The following MTUS2 variants were observed in gnomAD, a reference collection of about 807,000 sequenced individuals.
MTUS2 encodes microtubule-associated tumor suppressor candidate 2.
In MTUS2, 40 loss-of-function variants were observed where a neutral mutation model predicts 114.1. The observed-to-expected ratio is 0.35, with a 90% confidence interval of 0.27 to 0.46. The LOEUF is 0.46. Ranked by LOEUF, MTUS2 falls within the 20% of genes least tolerant of loss-of-function variation. The pLI is 1.00. For missense variants in MTUS2, 1,679 were observed against 1,705.4 expected, an observed-to-expected ratio of 0.98 and a Z score of 0.27; for synonymous variants, 688 against 672.0, an observed-to-expected ratio of 1.02 and a Z score of -0.37.
intron 8 of MTUS2, among the ~76,000 whole-genome samples, chr13:29,419,206 T>C (rs1875897240): frequency 1.3e-5 from 2 of 152,196 alleles, no homozygotes; most frequent in Non-Finnish European, 2.9e-5. Context: ...ACCTCATCTT[T>C]AGGCACCTGC....
chr13:28,879,078 A>C (rs1232032779), intron 2 of MTUS2, among the ~76,000 whole-genome samples: 1 of 152,168 alleles, frequency 6.6e-6, no homozygotes, highest in Non-Finnish European at 1.5e-5. Context: ...TCTGGTGATC[A>C]ATGATGTTGA....
intron 10 of MTUS2, among the ~76,000 whole-genome samples, chr13:29,486,165 A>C (rs897747298): frequency 2.0e-5 from 3 of 152,168 alleles, no homozygotes; most frequent in African/African-American, 4.8e-5. Context: ...AGCTTCAAGT[A>C]AATACGGTTT....
chr13:29,170,030 C>G (rs1387965830), intron 5 of MTUS2, among the ~76,000 whole-genome samples: 1 of 78,168 alleles, frequency 1.3e-5, no homozygotes, highest in African/African-American at 4.6e-5. Context: ...AAAGAAAAAT[C>G]ACAGTAGTGG....
intron 8 of MTUS2, among the ~76,000 whole-genome samples, chr13:29,383,139 T>C (rs190610343): frequency 6.6e-6 from 1 of 150,486 alleles, no homozygotes; most frequent in African/African-American, 2.4e-5. Context: ...GGCTGTTTCC[T>C]TGGCTTCTTC....
chr13:29,105,960 T>G (rs886343907), intron 5 of MTUS2, among the ~76,000 whole-genome samples: 1 of 152,146 alleles, frequency 6.6e-6, no homozygotes, highest in Non-Finnish European at 1.5e-5. Context: ...TTGCCATTCC[T>G]GGTGCAGCCT....
At chr13:28,847,531 G>T (rs1875968549) in intron 2 of MTUS2, among the ~76,000 whole-genome samples, 1 of 152,182 alleles carries the variant, frequency 6.6e-6, no homozygotes, top group South Asian at 2.1e-4. Context: ...TCTCCCCCTT[G>T]CCTATCAATT....
chr13:28,906,442 C>A (rs961180675), intron 2 of MTUS2, among the ~76,000 whole-genome samples: 6 of 151,164 alleles, frequency 4.0e-5, no homozygotes, highest in African/African-American at 1.5e-4. Flanking sequence ...CCCAGAGATT[C>A]TGGTATGTTG....
chr13:28,914,799 GTTC>G (rs1880655502), intron 2 of MTUS2, among the ~76,000 whole-genome samples: 1 of 152,016 alleles, frequency 6.6e-6, no homozygotes, highest in African/African-American at 2.4e-5. Context: ...TGGGTAGTTA[GTTC>G]TTCTTGTTGA....
At chr13:29,121,797 C>T (rs1236439803) in intron 5 of MTUS2, among the ~76,000 whole-genome samples, 2 of 152,068 alleles carry the variant, frequency 1.3e-5, no homozygotes, top group African/African-American at 4.8e-5. Context: ...GGTGGGGTTA[C>T]AGGCATGTAC....
rs1473901316 is a variant in MTUS2, at chr13:29,104,261, T to TA, written c.2644+3292dup. Among the ~76,000 whole-genome samples the TA allele has an allele frequency of 2.0e-5, 3 of 152,268 alleles. No individual in the cohort carries two copies. In the East Asian group the frequency reaches 5.8e-4, roughly 29 times the overall value. ...AGGTCCTCAGAACTTGAAGGTATCTTACCATCCAGTTTACCACCCATTTTA... is the reference window on the plus strand; with the variant it reads ...AGGTCCTCAGAACTTGAAGGTATCTTAACCATCCAGTTTACCACCCATTTTA... On this transcript the variant is annotated intron_variant, in intron 5 of 15. Coordinates refer to ENST00000612955, the MANE Select transcript of MTUS2 (RefSeq NM_001033602.4).
chr13:29,016,701 AAAG>A (rs1886081781), intron 2 of MTUS2, among the ~76,000 whole-genome samples: 1 of 152,184 alleles, frequency 6.6e-6, no homozygotes, highest in Admixed American at 6.6e-5. Context: ...CCTCAATAAA[AAAG>A]ATATTCTGAA....
intron 5 of MTUS2, among the ~76,000 whole-genome samples, chr13:29,163,774 T>C (rs577074398): frequency 1.3e-5 from 2 of 152,306 alleles, no homozygotes; most frequent in Admixed American, 6.5e-5. Flanking sequence ...TCATCCATCC[T>C]GAGTGACATT....
At chr13:29,190,786 C>G (rs563777377) in intron 5 of MTUS2, among the ~76,000 whole-genome samples, 47 of 152,338 alleles carry the variant, frequency 3.1e-4, no homozygotes, top group African/African-American at 1.0e-3. Flanking sequence ...TTATGGTCCT[C>G]TCTCAATAGA....
At chr13:29,362,552 T>C (rs987363110) in intron 8 of MTUS2, among the ~76,000 whole-genome samples, 3 of 152,158 alleles carry the variant, frequency 2.0e-5, no homozygotes, top group Admixed American at 2.0e-4. Flanking sequence ...CCGAGTGTGG[T>C]GGCACGTGCC....
intron 6 of MTUS2, among the ~76,000 whole-genome samples, chr13:29,319,334 G>A (rs1478071579): frequency 2.0e-5 from 3 of 152,164 alleles, no homozygotes; most frequent in Non-Finnish European, 4.4e-5. Context: ...CCCCAGGGGG[G>A]ACTTCAACCG....
At chr13:29,042,398 G>A (rs537577987) in intron 4 of MTUS2, among the ~76,000 whole-genome samples, 10 of 152,152 alleles carry the variant, frequency 6.6e-5, no homozygotes, top group Admixed American at 2.6e-4. Flanking sequence ...TTGTATCTAC[G>A]TTCATCAGGG....
At chr13:29,307,785 A>G in intron 6 of MTUS2, 1 of 989,502 alleles carries the variant, frequency 1.0e-6, no homozygotes, top group Non-Finnish European at 1.6e-6. Flanking sequence ...CCAAGGAGTA[A>G]GACCCCCAGA....
Position 29,501,169 on chromosome 13 carries a change from A to T in MTUS2, c.3871A>T (p.Ile1291Phe). The T allele has an allele frequency of 1.2e-6, 2 of 1,614,202 alleles. No individual in the cohort carries two copies. The highest frequency in any genetic ancestry group is 1.7e-6 in the Non-Finnish European group (2 of 1,180,002). Reference sequence around the variant, plus strand: ...GCAGAACGAAGACCTCAAAGCAAGGATTGACCAAAACACAGTTGTCACCAG... The same window carrying T: ...GCAGAACGAAGACCTCAAAGCAAGGTTTGACCAAAACACAGTTGTCACCAG... ...QQQNEDLKAR[I>F]DQNTVVTRQL... The change falls in exon 15 of 16, where the codon ATT (isoleucine) becomes TTT (phenylalanine). Residue 1291 changes from isoleucine (I) to phenylalanine (F), a missense_variant. This residue lies in a region of MTUS2 where 822 missense variants were observed against 899.7 expected (regional missense o/e 0.91). Transcript: ENST00000612955.
Position 29,025,193 on chromosome 13 carries a change from G to A in MTUS2, c.495G>A (p.Lys165=). 6.2e-7 allele frequency: 1 copy of A among 1,613,978 alleles called. No individual in the cohort carries two copies. Among genetic ancestry groups the A allele is most frequent in the Non-Finnish European group, 8.5e-7 (1 of 1,179,894 alleles). The change falls in exon 3 of 16, where the codon AAG becomes AAA. Residue 165 remains lysine (K), a synonymous_variant. Coordinates refer to ENST00000612955, the MANE Select transcript of MTUS2 (RefSeq NM_001033602.4). The part of the protein sequence containing the change: ...PRHVPKDKLA[K]TLDNEELRRH... ...ATGTTCCCAAGGATAAACTGGCAAA[G>A]ACCCTTGACAATGAGGAACTGAGGA...
Sources: allele counts gnomAD v4.1 joint callset (sites outside exome capture counted in the v4.1 genomes callset), GRCh38; gene constraint gnomAD v4.1.1; regional missense constraint gnomAD v4.1.1; transcripts MANE v1.5; gene names NCBI Gene and HGNC (gene_info 2026-07-23, HGNC 2026-07-21).